Variants in CLIP1 observed in about 807,000 individuals in gnomAD.
CLIP1 encodes CAP-Gly domain containing linker protein 1, also known as CAP-Gly domain-containing linker protein 1.
In CLIP1, 66 loss-of-function variants were observed where a neutral mutation model predicts 161.6. The observed-to-expected ratio is 0.41, with a 90% CI of 0.33 to 0.50. CLIP1 has a LOEUF of 0.50. Ranked by LOEUF, CLIP1 falls within the 20% of genes least tolerant of loss-of-function variation. The pLI is 0.27. For synonymous variants in CLIP1, 598 were observed against 626.2 expected (o/e 0.96, Z 0.67); for missense variants, 1,376 against 1,702.0 (o/e 0.81, Z 3.37).
intron 1 of CLIP1, among the ~76,000 whole-genome samples, chr12:122,415,011 T>C (rs950056753): frequency 1.3e-5 from 2 of 151,778 alleles, no homozygotes; most frequent in Non-Finnish European, 2.9e-5. Context: ...TGAGTCAAGA[T>C]TACACCAGTA....
intron 1 of CLIP1, among the ~76,000 whole-genome samples, chr12:122,383,468 G>C (rs1955098558): frequency 6.6e-6 from 1 of 151,736 alleles, no homozygotes; most frequent in African/African-American, 2.4e-5. Flanking sequence ...ACAAACCAAA[G>C]ACTAATCATA....
chr12:122,409,274 C>T (rs1184290723), intron 1 of CLIP1, among the ~76,000 whole-genome samples: 2 of 148,820 alleles, frequency 1.3e-5, no homozygotes, highest in Admixed American at 6.8e-5. Context: ...TACAGGCATG[C>T]GCAACCACGC....
rs1485086821 is a variant in CLIP1 at position 122,354,466 on chromosome 12, C to T, written c.1294G>A (p.Glu432Lys). Residue 432 changes from glutamate to lysine, a missense_variant, in exon 7 of 26, where the codon GAA (glutamate) becomes AAA (lysine). By Grantham distance (56) the Glu-to-Lys change is moderately conservative (BLOSUM62 1). This residue lies in a region of CLIP1 where 211 missense variants were observed against 295.1 expected (regional missense o/e 0.72). Transcript: ENST00000620786. The part of the protein sequence containing the change: ...REKVELLNQL[E>K]EEKRKVEDLQ... ...GTCTGGGGTCACCTTTTCTCCTCTT[C>T]AAGCTGGTTGAGAAGCTCCACCTTC... 1 of 1,613,700 alleles carries T rather than the reference C, an allele frequency of 6.2e-7. No homozygotes were observed. Among genetic ancestry groups the T allele is most frequent in the Non-Finnish European group, 8.5e-7 (1 of 1,179,734 alleles).
At chr12:122,370,402 C>T (rs1483271253) in intron 3 of CLIP1, among the ~76,000 whole-genome samples, 1 of 152,166 alleles carries the variant, frequency 6.6e-6, no homozygotes, top group East Asian at 1.9e-4. Context: ...ACACCTGGAA[C>T]AACTTCCGGT....
intron 3 of CLIP1, among the ~76,000 whole-genome samples, chr12:122,369,167 T>C (rs1395153869): frequency 2.0e-5 from 3 of 151,996 alleles, no homozygotes; most frequent in East Asian, 3.9e-4. Flanking sequence ...TACAGGCATG[T>C]GCCACCACGC....
intron 20 of CLIP1, among the ~76,000 whole-genome samples, chr12:122,296,726 C>T (rs374625748): frequency 1.3e-5 from 2 of 151,574 alleles, no homozygotes; most frequent in Non-Finnish European, 1.5e-5. Context: ...GAGCTGAGTG[C>T]GGTGGCTCAT....
intron 5 of CLIP1, among the ~76,000 whole-genome samples, chr12:122,356,871 T>C (rs1385587045): frequency 1.3e-5 from 2 of 152,202 alleles, no homozygotes; most frequent in South Asian, 2.1e-4. Context: ...AGCTCCTAAC[T>C]GCGAGTGATC....
chr12:122,391,502 C>G (rs996083661), intron 1 of CLIP1, among the ~76,000 whole-genome samples: 2 of 152,174 alleles, frequency 1.3e-5, no homozygotes, highest in Non-Finnish European at 2.9e-5. Context: ...AGGAAAATCG[C>G]TTGAACCCAG....
At position 122,304,811 on chromosome 12, in the gene CLIP1, G is replaced by A. The variant is rs541735776; in HGVS notation, c.3594+4951C>T. 3.9e-5 allele frequency among the ~76,000 whole-genome samples: 6 copies of A among 152,298 alleles called. No individual in the cohort carries two copies. In the South Asian group the frequency reaches 1.2e-3, roughly 32 times the overall value. On this transcript the variant is annotated intron_variant, in intron 20 of 25. Coordinates refer to ENST00000620786, the MANE Select transcript of CLIP1 (RefSeq NM_001247997.2). ...GATCCAGCTTCAATCAGCCCTAGTT[G>A]CCCAGAAGTCCCCTGAGCCCAGATT...
intron 20 of CLIP1, among the ~76,000 whole-genome samples, chr12:122,296,003 G>A (rs1347067882): frequency 1.3e-5 from 2 of 152,100 alleles, no homozygotes; most frequent in Non-Finnish European, 2.9e-5. Context: ...AATATAAATT[G>A]CATCTCTTAT....
intron 17 of CLIP1, among the ~76,000 whole-genome samples, chr12:122,321,798 C>T (rs760412554): frequency 2.6e-5 from 4 of 152,226 alleles, no homozygotes; most frequent in Non-Finnish European, 4.4e-5. Flanking sequence ...GGATTACAGG[C>T]GTGAGCCACT....
At position 122,355,175 on chromosome 12, in the gene CLIP1, G is replaced by A. The variant is rs1307759893; in HGVS notation, c.1143C>T (p.Ala381=). ...GCTCTATCTCCCCCACGTGGCTCGT[G>A]GCCTTGGCCACCTCCGCCCTCTCCA... The part of the protein sequence containing the change: ...RDLERAEVAK[A]TSHVGEIEQE... The change falls in exon 6 of 26, where the codon GCC becomes GCT. Residue 381 remains alanine, a synonymous_variant. Coordinates refer to ENST00000620786, the MANE Select transcript of CLIP1 (RefSeq NM_001247997.2). The surrounding 1 kb of genome is among the most constrained non-coding windows in gnomAD (Gnocchi z 4.1). 5.6e-6 allele frequency: 9 copies of A among 1,614,058 alleles called. No individual in the cohort carries two copies. The highest frequency in any genetic ancestry group is 1.3e-5 in the African/African-American group (1 of 74,924).
chr12:122,369,996 C>T (rs1395753857), intron 3 of CLIP1, among the ~76,000 whole-genome samples: 1 of 151,620 alleles, frequency 6.6e-6, no homozygotes. Flanking sequence ...AACCCTGTCT[C>T]TACTAAAAAT....
intron 1 of CLIP1, among the ~76,000 whole-genome samples, chr12:122,411,190 C>T (rs562138726): frequency 5.3e-5 from 8 of 152,180 alleles, no homozygotes; most frequent in South Asian, 2.1e-4. Context: ...CTGAGGTGGG[C>T]GGATCACCTG....
At chr12:122,338,098 G>C (rs1236580906) in intron 11 of CLIP1, among the ~76,000 whole-genome samples, 2 of 151,722 alleles carry the variant, frequency 1.3e-5, no homozygotes, top group Non-Finnish European at 2.9e-5. Flanking sequence ...CACATTGGGA[G>C]GCCGAGGTCA....
chr12:122,325,628 A>T, intron 17 of CLIP1, among the ~76,000 whole-genome samples: 1 of 151,028 alleles, frequency 6.6e-6, no homozygotes, highest in African/African-American at 2.4e-5. Context: ...AATAATGTAG[A>T]CCGCATATAT....
At position 122,422,521 on chromosome 12, in the gene CLIP1, C is replaced by T. The variant is rs897475868; in HGVS notation, c.-107G>A. 2.0e-5 allele frequency: 3 copies of T among 150,918 alleles called. No individual in the cohort carries two copies. Among genetic ancestry groups the T allele is most frequent in the Admixed American group, 6.6e-5 (1 of 15,114 alleles). The allele number at this position is 150,918 out of a possible 1,614,324, so 9.3% of individuals were successfully genotyped here. On this transcript the variant is annotated splice_region_variant and 5_prime_UTR_variant, in exon 1 of 26. Transcript: ENST00000620786. ...AGGGCCCGCGCCGCCCCCTGCTCAC[C>T]TCCTCGGACGCCGCCGGTCGCCGCC...
intron 20 of CLIP1, among the ~76,000 whole-genome samples, chr12:122,301,668 T>C (rs1175883176): frequency 1.3e-5 from 2 of 152,178 alleles, no homozygotes; most frequent in African/African-American, 2.4e-5. Context: ...AATCAGACTC[T>C]GTCTCAAAAT....
In CLIP1 at chr12:122,355,293, C is replaced by T. The variant is rs762223224; in HGVS notation, c.1025G>A (p.Arg342His). The stretch of plus-strand genomic sequence containing the variant: ...GGTACCGGAGATCTTCCTGGCGTAA[C>T]GGGAGGAGGTTTCAGTCAACTGTAA... ...RTGLLTETSS[R>H]YARKISGTTA... Residue 342 changes from arginine to histidine, a missense_variant, in exon 6 of 26, where the codon CGT (arginine) becomes CAT (histidine). Transcript: ENST00000620786. The surrounding 1 kb of genome is among the most constrained non-coding windows in gnomAD (Gnocchi z 4.1). 9.9e-6 allele frequency: 16 copies of T among 1,613,828 alleles called. No individual in the cohort carries two copies. Among genetic ancestry groups the T allele is most frequent in the East Asian group, 8.9e-5 (4 of 44,868 alleles).
Sources: allele counts gnomAD v4.1 joint callset (sites outside exome capture counted in the v4.1 genomes callset), GRCh38; gene constraint gnomAD v4.1.1; regional missense constraint gnomAD v4.1.1; non-coding constraint Gnocchi (gnomAD v3.1); transcripts MANE v1.5; gene names NCBI Gene and HGNC (gene_info 2026-07-23, HGNC 2026-07-21).